The following IL9R variants were observed in gnomAD, a reference collection of about 807,000 sequenced individuals.
The protein encoded by IL9R is interleukin-9 receptor.
A neutral mutation model predicts 56.3 loss-of-function variants in IL9R; 54 were observed. The observed-to-expected ratio is 0.96, with a 90% CI of 0.77 to 1.20. The LOEUF is 1.20. Ranked by LOEUF, IL9R falls within the 50% of genes most tolerant of loss-of-function variation. The pLI, the probability that IL9R is intolerant of heterozygous loss-of-function variation, is 0.00. For missense variants in IL9R, 545 were observed against 629.8 expected, an observed-to-expected ratio of 0.87 and a Z score of 1.44; for synonymous variants, 212 against 250.2, an observed-to-expected ratio of 0.85 and a Z score of 1.44.
intron 1 of IL9R, among the ~76,000 whole-genome samples, chrX:156,001,671 C>G (rs1331615259): frequency 0.087 from 8 of 92 alleles, no homozygotes; most frequent in Non-Finnish European, 0.12. Context: ...TTTTTTCCTC[C>G]TCCTATCAGT....
chrX:156,000,339 C>A (rs2067435089), intron 1 of IL9R, among the ~76,000 whole-genome samples: 3 of 152,052 alleles, frequency 2.0e-5, no homozygotes, highest in Non-Finnish European at 2.9e-5. Context: ...GAGGGCAGGG[C>A]AGCCCACAGC....
At chrX:156,004,095 C>A in intron 4 of IL9R, 1 of 606,174 alleles carries the variant, frequency 1.6e-6, no homozygotes, top group South Asian at 2.0e-5. Flanking sequence ...GGGGCAGGGG[C>A]TGGCACTTGA....
At chrX:156,004,114 A>G (rs2067742015) in intron 4 of IL9R, 1 of 602,214 alleles carries the variant, frequency 1.7e-6, no homozygotes, top group Non-Finnish European at 2.9e-6. Context: ...GAGTCATGTG[A>G]AATGCACTTC....
At position 156,003,026 on chromosome X, in the gene IL9R, G is replaced by C. The variant is rs1287383048; in HGVS notation, c.142+7G>C. The C allele has an allele frequency of 1.2e-6, 2 of 1,613,808 alleles. No homozygotes were observed. Among genetic ancestry groups the C allele is most frequent in the South Asian group, 2.2e-5 (2 of 91,054 alleles). ...GTCACAGGGGAAGGACAAGGTGAGG[G>C]CTGGGCACTAATGTCTGTATGAGGT... is the stretch of plus-strand genomic sequence containing the variant. On this transcript the variant is annotated splice_region_variant and intron_variant, in intron 2 of 8. Coordinates refer to ENST00000244174, the MANE Select transcript of IL9R (RefSeq NM_002186.3).
intron 8 of IL9R, among the ~76,000 whole-genome samples, chrX:156,008,867 G>GCC (rs2124550097): frequency 6.6e-6 from 1 of 151,064 alleles, no homozygotes; most frequent in South Asian, 2.1e-4. Flanking sequence ...TCGTGTGTGT[G>GCC]TCTGTGTGTG....
rs3788821 is a variant in IL9R at position 155,999,658 on chromosome X, C to T, written c.28+1871C>T. On this transcript the variant is annotated intron_variant, in intron 1 of 8. Transcript: ENST00000244174. ...TTCCAGCACCATTTTCTGGCACAGG[C>T]TCCATGTCCCCAGGCTCCAGCTGCT... Among the ~76,000 whole-genome samples the T allele has an allele frequency of 1.1e-3, 171 of 152,260 alleles. 3 individuals carry two copies. The East Asian group carries it at 0.031, about 28-fold the overall frequency.
At chrX:155,998,224 G>A (rs1262226994) in intron 1 of IL9R, among the ~76,000 whole-genome samples, 1 of 152,150 alleles carries the variant, frequency 6.6e-6, no homozygotes, top group South Asian at 2.1e-4. Flanking sequence ...TACCAACCCC[G>A]AGGCATTTGG....
rs780543499 is a variant in IL9R at position 156,006,175 on chromosome X, A to T, written c.874A>T (p.Lys292Ter). ...GACTGGCCCGACCTACCTCCTGTTC[A>T]AGCTGTCGCCCAGGTAGGTGGCTGA... ...LLTGPTYLLF[K>*]LSPRVKRIFY... Residue 292 changes from lysine (K) to a stop codon, truncating the protein, a stop_gained, in exon 7 of 9, where the codon AAG becomes TAG. Coordinates refer to ENST00000244174, the MANE Select transcript of IL9R (RefSeq NM_002186.3). LOFTEE classifies it high-confidence loss of function. 1 of 1,356,254 alleles carries T rather than the reference A, an allele frequency of 7.4e-7. No homozygotes were observed. The highest frequency in any genetic ancestry group is 1.2e-5 in the South Asian group (1 of 85,480). 84.0% of individuals were successfully genotyped at this position (1,356,254 alleles called of 1,614,324 possible). A position where few individuals can be genotyped will look rare whatever the true frequency, so the allele number is the denominator to read the frequency against.
chrX:156,005,322 AC>A lies in IL9R; in HGVS notation c.625del (p.Glu210LysfsTer27). On this transcript the variant is annotated frameshift_variant, in exon 6 of 9. Transcript: ENST00000244174. LOFTEE classifies it high-confidence loss of function. The stretch of plus-strand genomic sequence containing the variant: ...ACATTGTCGGGGTGACCTGGCTTAT[AC>A]TTGAAGCCTTTGAGCTGGACCCTGG... Reference protein sequence around the residue: ...DHIVGVTWLILEAFELDPGFI... With the variant: ...DHIVGVTWLIXEAFELDPGFI... 1 of 1,612,194 alleles carries A rather than the reference AC, an allele frequency of 6.2e-7. No individual in the cohort carries two copies. Among genetic ancestry groups the A allele is most frequent in the South Asian group, 1.1e-5 (1 of 90,990 alleles).
intron 8 of IL9R, among the ~76,000 whole-genome samples, chrX:156,009,248 G>GTTTGTGTGTGTA: frequency 1.1e-5 from 1 of 95,048 alleles, no homozygotes; most frequent in African/African-American, 3.8e-5. Flanking sequence ...TGTGGTGTGT[G>GTTTGTGTGTGTA]TGTCTGTGTG....
At chrX:156,001,056 G>A (rs375285340) in intron 1 of IL9R, among the ~76,000 whole-genome samples, 3 of 152,084 alleles carry the variant, frequency 2.0e-5, no homozygotes, top group East Asian at 3.9e-4. Flanking sequence ...CCCCCTTGTC[G>A]CTGTACCCAA....
chrX:155,999,355 G>A (rs1416298850), intron 1 of IL9R, among the ~76,000 whole-genome samples: 2 of 152,120 alleles, frequency 1.3e-5, no homozygotes, highest in South Asian at 2.1e-4. Flanking sequence ...CCTCACGGAT[G>A]CAGCACTGCC....
At chrX:156,003,247 C>A (rs970888980) in intron 2 of IL9R, among the ~76,000 whole-genome samples, 2 of 152,108 alleles carry the variant, frequency 1.3e-5, no homozygotes, top group African/African-American at 2.4e-5. Flanking sequence ...TCTCTTGACG[C>A]CTCTCCAGAT....
At position 156,006,108 on chromosome X, in the gene IL9R, G is replaced by C; in HGVS notation, c.807G>C (p.Trp269Cys). 2 of 1,600,432 alleles carry C rather than the reference G, an allele frequency of 1.2e-6. No individual in the cohort carries two copies. The highest frequency in any genetic ancestry group is 1.3e-5 in the African/African-American group (1 of 74,602). ...RQGPLIPPWG[W>C]PGNTLVAVSI... The stretch of plus-strand genomic sequence containing the variant: ...GCCCTCTGATCCCACCCTGGGGGTG[G>C]CCAGGCAACACCCTTGTTGCTGTGT... The change falls in exon 7 of 9, where the codon TGG becomes TGC. Residue 269 changes from tryptophan to cysteine, a missense_variant. Physicochemically the swap from Trp to Cys is radical, Grantham distance 215. This residue lies in a region of IL9R where 431 missense variants were observed against 360.0 expected (regional missense o/e 1.20). Coordinates refer to ENST00000244174, the MANE Select transcript of IL9R (RefSeq NM_002186.3).
intron 1 of IL9R, among the ~76,000 whole-genome samples, chrX:156,000,085 G>A (rs1416750339): frequency 5.3e-5 from 8 of 151,232 alleles, no homozygotes; most frequent in African/African-American, 7.3e-5. Context: ...GCAGTGAGCC[G>A]AGATCACGCC....
In IL9R at chrX:156,003,569, G is replaced by A. The variant is rs773444401; in HGVS notation, c.254+9G>A. ...TGGCTCCTCTTCACCAGGTGAGCAT[G>A]GAGGGCCATGCCCACCTGGACAGGG... On this transcript the variant is annotated intron_variant, in intron 3 of 8. Transcript: ENST00000244174. 56 of 1,610,846 alleles carry A rather than the reference G, an allele frequency of 3.5e-5. No homozygotes were observed. The South Asian group carries it at 6.0e-4, about 17-fold the overall frequency.
chrX:155,999,203 G>A (rs745497093), intron 1 of IL9R, among the ~76,000 whole-genome samples: 66 of 152,118 alleles, frequency 4.3e-4, no homozygotes, highest in South Asian at 2.3e-3. Context: ...TCTCCTCCAC[G>A]CCTCTCTGTA....
Position 156,001,269 on chromosome X carries a change from T to C in IL9R, c.29-1637T>C, listed in dbSNP as rs769064829. 4.8e-4 allele frequency: 358 copies of C among 740,384 alleles called. 1 individual carries two copies. In the African/African-American group the frequency reaches 5.4e-3, roughly 11 times the overall value. The allele number at this position is 740,384 out of a possible 1,614,324, so 45.9% of individuals were successfully genotyped here. A position where few individuals can be genotyped will look rare whatever the true frequency, so the allele number is the denominator to read the frequency against. ...TGTTTCTCCACTGCTGGGGCAGCAGTTGTCCATTCTGGGGCCTGGGTCAGC... is the reference window on the plus strand; with the variant it reads ...TGTTTCTCCACTGCTGGGGCAGCAGCTGTCCATTCTGGGGCCTGGGTCAGC... On this transcript the variant is annotated intron_variant, in intron 1 of 8. Transcript: ENST00000244174.
Position 156,010,133 on chromosome X carries a change from G to C in IL9R, c.1290G>C (p.Arg430Ser), listed in dbSNP as rs777806169. ...CTCCCCCAGACTCAGAGGGCAGCAG[G>C]AGCAGCAGCAGCAGCAGCAGCAGCA... ...RPAPPDSEGS[R>S]SSSSSSSSNN... The change falls in exon 9 of 9, where the codon AGG (arginine) becomes AGC (serine). Residue 430 changes from arginine to serine, a missense_variant. Coordinates refer to ENST00000244174, the MANE Select transcript of IL9R (RefSeq NM_002186.3). 3 of 1,540,088 alleles carry C rather than the reference G, an allele frequency of 1.9e-6. No individual in the cohort carries two copies. Among genetic ancestry groups the C allele is most frequent in the Non-Finnish European group, 2.6e-6 (3 of 1,153,794 alleles).
Sources: allele counts gnomAD v4.1 joint callset (sites outside exome capture counted in the v4.1 genomes callset), GRCh38; gene constraint gnomAD v4.1.1; regional missense constraint gnomAD v4.1.1; transcripts MANE v1.5; gene names NCBI Gene and HGNC (gene_info 2026-07-23, HGNC 2026-07-21).